Variants in MPP7 observed in about 807,000 individuals in gnomAD.
The protein encoded by MPP7 is MAGUK p55 subfamily member 7.
MPP7 carries 60 observed loss-of-function variants against 76.5 expected under a neutral mutation model. That is an observed-to-expected ratio of 0.78 (90% confidence interval 0.64 to 0.97). The LOEUF is 0.97. Among genes scored for constraint, MPP7 ranks in the 50% least tolerant of loss-of-function variants. The probability of loss-of-function intolerance (pLI) is 0.00; values close to 1 mark genes in which losing one functional copy is unlikely to be tolerated. For missense variants in MPP7, 641 were observed against 694.0 expected (o/e 0.92, Z 0.86); for synonymous variants, 237 against 244.5 (o/e 0.97, Z 0.29).
chr10:28,065,180 T>C (rs1380187902), intron 13 of MPP7, among the ~76,000 whole-genome samples: 5 of 152,188 alleles, frequency 3.3e-5, no homozygotes, highest in African/African-American at 4.8e-5. Context: ...TTTTATTCAA[T>C]TATGATGGCA....
At chr10:28,174,337 G>A (rs961017277) in intron 3 of MPP7, among the ~76,000 whole-genome samples, 1 of 152,168 alleles carries the variant, frequency 6.6e-6, no homozygotes, top group African/African-American at 2.4e-5. Context: ...GATCCCTCGT[G>A]AATGGTTGGT....
chr10:28,238,559 G>T lies in MPP7; in HGVS notation c.37+9C>A. ...TGGAATGAGAACTGCCCCTCTTGGG[G>T]TCACATACCAGTGTCACTCCCAGAT... On this transcript the variant is annotated intron_variant, in intron 2 of 16. Transcript: ENST00000683449. The T allele has an allele frequency of 6.2e-7, 1 of 1,613,930 alleles. No homozygotes were observed. Among genetic ancestry groups the T allele is most frequent in the South Asian group, 1.1e-5 (1 of 91,076 alleles).
At chr10:28,262,261 A>ATG (rs1840009306) in intron 1 of MPP7, among the ~76,000 whole-genome samples, 1 of 15,742 alleles carries the variant, frequency 6.4e-5, no homozygotes, top group Non-Finnish European at 1.1e-4. Context: ...ATATATATGT[A>ATG]TATATATATA....
chr10:28,129,025 T>C (rs921828157), intron 6 of MPP7, among the ~76,000 whole-genome samples: 10 of 152,186 alleles, frequency 6.6e-5, no homozygotes, highest in African/African-American at 2.4e-4. Context: ...ACTTGAAGAA[T>C]AATCTCTCAC....
intron 11 of MPP7, among the ~76,000 whole-genome samples, chr10:28,093,130 T>C (rs1035382385): frequency 3.3e-5 from 5 of 152,180 alleles, no homozygotes; most frequent in African/African-American, 1.2e-4. Flanking sequence ...AAAGTTAGAA[T>C]GCTGATATTT....
At chr10:28,149,801 G>A (rs1835820132) in intron 4 of MPP7, among the ~76,000 whole-genome samples, 181 bp downstream of exon 4, 1 of 152,200 alleles carries the variant, frequency 6.6e-6, no homozygotes, top group Non-Finnish European at 1.5e-5. Context: ...GAACAGAAAA[G>A]TGAATGGAAA....
chr10:28,076,988 G>T (rs892639384), intron 12 of MPP7, among the ~76,000 whole-genome samples: 1 of 151,036 alleles, frequency 6.6e-6, no homozygotes, highest in Non-Finnish European at 1.5e-5. Context: ...TCCTTAGAAG[G>T]TCTCAGCTCC....
intron 1 of MPP7, among the ~76,000 whole-genome samples, chr10:28,243,109 A>T (rs1839323224): frequency 6.6e-6 from 1 of 152,160 alleles, no homozygotes; most frequent in African/African-American, 2.4e-5. Flanking sequence ...GAACAACTGA[A>T]GACAAACTAT....
intron 1 of MPP7, among the ~76,000 whole-genome samples, chr10:28,275,557 C>T (rs1037173074): frequency 2.0e-5 from 3 of 152,060 alleles, no homozygotes; most frequent in Non-Finnish European, 4.4e-5. Flanking sequence ...CAGGCACGCA[C>T]CACCACGCCT....
chr10:28,142,036 T>A (rs1347952115), intron 5 of MPP7, among the ~76,000 whole-genome samples: 1 of 152,050 alleles, frequency 6.6e-6, no homozygotes, highest in Admixed American at 6.6e-5. Context: ...AGAGTGATAA[T>A]TTCAAACTTC....
chr10:28,214,959 G>A (rs192855376), intron 2 of MPP7, among the ~76,000 whole-genome samples: 1 of 152,192 alleles, frequency 6.6e-6, no homozygotes, highest in Admixed American at 6.5e-5. Context: ...CAGTGCTTGA[G>A]ATATTTTGTA....
In MPP7 at chr10:28,274,107, T is replaced by C. The variant is rs571374719; in HGVS notation, c.-132+28754A>G. On this transcript the variant is annotated intron_variant, in intron 1 of 16. Coordinates refer to ENST00000683449, the MANE Select transcript of MPP7 (RefSeq NM_001318170.2). ...TGTAAAATAAAATTTTTTTCTTTTT[T>C]TTTTTTTTTTTTTGAGATGGAGTCT... is the stretch of plus-strand genomic sequence containing the variant. Among the ~76,000 whole-genome samples, 6 of 146,718 alleles carry C rather than the reference T, an allele frequency of 4.1e-5. No homozygotes were observed. The East Asian group carries it at 7.8e-4, about 19-fold the overall frequency.
chr10:28,301,744 G>C (rs1292258492), intron 1 of MPP7, among the ~76,000 whole-genome samples: 2 of 152,118 alleles, frequency 1.3e-5, no homozygotes, highest in Non-Finnish European at 2.9e-5. Flanking sequence ...ATAATTGATA[G>C]AGTGCTATGA....
At chr10:28,163,745 T>C (rs1215656955) in intron 3 of MPP7, among the ~76,000 whole-genome samples, 2 of 151,764 alleles carry the variant, frequency 1.3e-5, no homozygotes, top group Admixed American at 6.6e-5. Context: ...GTCAGGAGTT[T>C]GAGACCAGCC....
intron 3 of MPP7, 125 bp from the exon 4 acceptor site, chr10:28,150,184 AT>A: frequency 1.5e-6 from 1 of 665,130 alleles, no homozygotes; most frequent in African/African-American, 1.8e-5. Flanking sequence ...TTTATGACAT[AT>A]TACACACATG....
chr10:28,282,838 C>T (rs1840709794), intron 1 of MPP7, among the ~76,000 whole-genome samples: 1 of 151,846 alleles, frequency 6.6e-6, no homozygotes, highest in South Asian at 2.1e-4. Context: ...CCCACAACAA[C>T]AACATAGTGA....
intron 4 of MPP7, among the ~76,000 whole-genome samples, chr10:28,148,749 C>T (rs905686883): frequency 6.6e-6 from 1 of 151,968 alleles, no homozygotes; most frequent in Non-Finnish European, 1.5e-5. Context: ...TTATAAGATA[C>T]TATGGTTTAT....
At chr10:28,120,752 T>C (rs1308895014) in intron 8 of MPP7, 84 bp from the exon 9 acceptor site, 4 of 1,067,688 alleles carry the variant, frequency 3.7e-6, no homozygotes, top group East Asian at 2.5e-5. Flanking sequence ...GAAATGCATC[T>C]GAAAATTTAC....
chr10:28,252,806 A>G (rs1839656825), intron 1 of MPP7, among the ~76,000 whole-genome samples: 1 of 152,188 alleles, frequency 6.6e-6, no homozygotes, highest in African/African-American at 2.4e-5. Flanking sequence ...TGATAATAAA[A>G]GCTTCCATTT....
Sources: allele counts gnomAD v4.1 joint callset (sites outside exome capture counted in the v4.1 genomes callset), GRCh38; gene constraint gnomAD v4.1.1; transcripts MANE v1.5; gene names NCBI Gene and HGNC (gene_info 2026-07-23, HGNC 2026-07-21).